The following CFAP54 variants were observed in gnomAD, a reference collection of about 807,000 sequenced individuals.
The protein encoded by CFAP54 is cilia and flagella associated protein 54.
In CFAP54, 290 loss-of-function variants were observed where a neutral mutation model predicts 370.4. The ratio of observed to expected loss-of-function variants is 0.78; its 90% CI spans 0.71 to 0.86. The LOEUF is 0.86. Among genes scored for constraint, CFAP54 ranks in the 40% least tolerant of loss-of-function variants. The pLI, the probability that CFAP54 is intolerant of heterozygous loss-of-function variation, is 0.00. For synonymous variants in CFAP54, 1,206 were observed against 1,236.5 expected (o/e 0.98, Z 0.52); for missense variants, 3,399 against 3,528.7 (o/e 0.96, Z 0.93).
chr12:96,524,443 T>A (rs989165097), intron 8 of CFAP54, among the ~76,000 whole-genome samples: 1 of 152,202 alleles, frequency 6.6e-6, no homozygotes, highest in Non-Finnish European at 1.5e-5. Flanking sequence ...ATATTAGCTA[T>A]CATTGTTTAT....
Position 96,720,556 on chromosome 12 carries a change from C to A in CFAP54, c.6956C>A (p.Ala2319Glu). 1 of 1,546,472 alleles carries A rather than the reference C, an allele frequency of 6.5e-7. No homozygotes were observed. Among genetic ancestry groups the A allele is most frequent in the Admixed American group, 2.0e-5 (1 of 51,260 alleles). Residue 2319 changes from alanine to glutamate, a missense_variant, in exon 50 of 68, where the codon GCG becomes GAG. Physicochemically the swap from Ala to Glu is moderately radical, Grantham distance 107. Transcript: ENST00000524981. ...GCAGTTGCTCTGCAGAGGCACCGGG[C>A]GGCATACAGGTGCGTCTCTCCATGC... is the stretch of plus-strand genomic sequence containing the variant. ...LAAVALQRHR[A>E]AYSAAIVFST...
intron 25 of CFAP54, among the ~76,000 whole-genome samples, chr12:96,595,138 A>G (rs936848357): frequency 4.6e-5 from 7 of 152,174 alleles, no homozygotes; most frequent in African/African-American, 1.4e-4. Context: ...GGTTTTACAT[A>G]GGAGGTCCTT....
intron 39 of CFAP54, among the ~76,000 whole-genome samples, chr12:96,667,753 C>T (rs1044422794): frequency 6.6e-6 from 1 of 152,158 alleles, no homozygotes; most frequent in African/African-American, 2.4e-5. Context: ...ACATTTGGAT[C>T]CTTGTTACTT....
intron 67 of CFAP54, among the ~76,000 whole-genome samples, chr12:96,866,109 C>T (rs932860005): frequency 3.3e-5 from 5 of 152,008 alleles, no homozygotes; most frequent in Non-Finnish European, 5.9e-5. Context: ...ATCCATCTAT[C>T]ATCCATAATT....
chr12:96,624,593 T>TTGTCACA (rs373501802), intron 28 of CFAP54, among the ~76,000 whole-genome samples: 77 of 152,322 alleles, frequency 5.1e-4, no homozygotes, highest in African/African-American at 1.8e-3. Flanking sequence ...ATGATTAGTA[T>TTGTCACA]TGTCACATTT....
chr12:96,572,136 C>T (rs1429686002), intron 19 of CFAP54, among the ~76,000 whole-genome samples: 1 of 152,112 alleles, frequency 6.6e-6, no homozygotes, highest in African/African-American at 2.4e-5. Flanking sequence ...TCTTATATTC[C>T]AAACACATTG....
At chr12:96,638,907 A>G (rs1192439027) in intron 32 of CFAP54, among the ~76,000 whole-genome samples, 1 of 152,166 alleles carries the variant, frequency 6.6e-6, no homozygotes, top group African/African-American at 2.4e-5. Flanking sequence ...TAGCATTAAG[A>G]ATGGTATTTG....
intron 62 of CFAP54, among the ~76,000 whole-genome samples, chr12:96,787,907 T>C (rs576668580): frequency 1.4e-5 from 2 of 141,680 alleles, no homozygotes; most frequent in African/African-American, 5.2e-5. Flanking sequence ...AAAAGTGAGG[T>C]TTTTTTTTTT....
intron 32 of CFAP54, 81 bp from the exon 33 acceptor site, chr12:96,644,097 A>G (rs1956763804): frequency 1.1e-6 from 1 of 939,518 alleles, no homozygotes; most frequent in Admixed American, 2.5e-5. Context: ...TTGATGTATT[A>G]TTTCCAAATT....
At chr12:96,635,767 A>G (rs1034325943) in intron 32 of CFAP54, among the ~76,000 whole-genome samples, 3 of 152,172 alleles carry the variant, frequency 2.0e-5, no homozygotes, top group African/African-American at 7.2e-5. Flanking sequence ...ACTCAGAAAA[A>G]CACTTTAAAT....
At chr12:96,629,668 A>G (rs897009888) in intron 30 of CFAP54, among the ~76,000 whole-genome samples, 1 of 76,608 alleles carries the variant, frequency 1.3e-5, no homozygotes, top group African/African-American at 4.4e-5. Context: ...GTAAATAGGC[A>G]TTTAAATCTT....
chr12:96,494,103 G>A (rs1432605691), intron 1 of CFAP54, among the ~76,000 whole-genome samples: 2 of 152,162 alleles, frequency 1.3e-5, no homozygotes, highest in Admixed American at 1.3e-4. Context: ...GGACAAAAAT[G>A]CAGGAAGATC....
At chr12:96,809,925 A>G (rs1005209724) in intron 63 of CFAP54, among the ~76,000 whole-genome samples, 6 of 152,152 alleles carry the variant, frequency 3.9e-5, no homozygotes, top group African/African-American at 1.4e-4. Flanking sequence ...CAGAATACAG[A>G]CTTTCACTTA....
chr12:96,875,389 A>G lies in CFAP54; in HGVS notation c.*286A>G, dbSNP rs951464471. 1.3e-5 allele frequency: 2 copies of G among 152,160 alleles called. No individual in the cohort carries two copies. Among genetic ancestry groups the G allele is most frequent in the Admixed American group, 1.3e-4 (2 of 15,280 alleles). The allele number at this position is 152,160 out of a possible 1,614,324, so 9.4% of individuals were successfully genotyped here. The stretch of plus-strand genomic sequence containing the variant: ...TTTCAGCTCCCAGTAGGGCAGTTTA[A>G]CTCCTATCTTCTCTGTGAGTTCCAG... On this transcript the variant is annotated 3_prime_UTR_variant, in exon 68 of 68. Coordinates refer to ENST00000524981, the MANE Select transcript of CFAP54 (RefSeq NM_001306084.2).
chr12:96,554,590 G>A (rs1257144129), intron 16 of CFAP54, 86 bp from the exon 17 acceptor site: 1 of 1,300,570 alleles, frequency 7.7e-7, no homozygotes, highest in East Asian at 2.6e-5. Flanking sequence ...ATAAGATGAT[G>A]ATAACTTGAG....
chr12:96,591,627 C>T (rs1372956476), intron 23 of CFAP54, among the ~76,000 whole-genome samples: 2 of 152,072 alleles, frequency 1.3e-5, no homozygotes, highest in African/African-American at 4.8e-5. Context: ...CGGTGGCTCA[C>T]GCCTGTAATC....
intron 21 of CFAP54, 83 bp downstream of exon 21, chr12:96,580,772 A>G: frequency 1.8e-6 from 2 of 1,137,280 alleles, no homozygotes; most frequent in Admixed American, 5.9e-5. Flanking sequence ...GTTTTGGTGA[A>G]TCTCTCTAAT....
intron 65 of CFAP54, among the ~76,000 whole-genome samples, chr12:96,826,765 A>T: frequency 8.9e-6 from 1 of 112,384 alleles, no homozygotes; most frequent in Non-Finnish European, 1.6e-5. Flanking sequence ...ACATATTAAT[A>T]TATTATATAA....
intron 19 of CFAP54, among the ~76,000 whole-genome samples, chr12:96,567,250 C>T (rs1477614011): frequency 6.6e-6 from 1 of 152,100 alleles, no homozygotes; most frequent in East Asian, 1.9e-4. Flanking sequence ...AGCTTAGATG[C>T]AATAAGGGTA....
Sources: gnomAD v4.1 joint callset for allele counts (sites outside exome capture counted in the v4.1 genomes callset) on GRCh38, gnomAD v4.1.1 for gene constraint, MANE v1.5 for transcripts, NCBI Gene and HGNC (gene_info 2026-07-23, HGNC 2026-07-21) for gene names.